Variants in NUS1 observed in about 807,000 individuals in gnomAD.
NUS1 encodes NUS1 dehydrodolichyl diphosphate synthase subunit.
For synonymous variants in NUS1, 135 were observed against 155.2 expected (o/e 0.87, Z 0.97); for missense variants, 292 against 382.9 (o/e 0.76, Z 1.98).
Position 117,675,684 on chromosome 6 carries a change from A to T in NUS1, c.14A>T (p.Tyr5Phe), listed in dbSNP as rs1288477521. ...GGCCACAAGAGTATGACGGGGCTGTACGAGCTGGTGTGGCGGGTGCTGCAC... is the reference window on the plus strand; with the variant it reads ...GGCCACAAGAGTATGACGGGGCTGTTCGAGCTGGTGTGGCGGGTGCTGCAC... MTGL[Y>F]ELVWRVLHAL... Residue 5 changes from tyrosine to phenylalanine, a missense_variant, in exon 1 of 5, where the codon TAC becomes TTC. By Grantham distance (22) the Tyr-to-Phe change is conservative (BLOSUM62 3). Coordinates refer to ENST00000368494, the MANE Select transcript of NUS1 (RefSeq NM_138459.5). The T allele has an allele frequency of 2.0e-6, 3 of 1,502,934 alleles. No homozygotes were observed. The Admixed American group carries it at 5.5e-5, about 28-fold the overall frequency. 93.1% of individuals were successfully genotyped at this position (1,502,934 alleles called of 1,614,324 possible).
intron 3 of NUS1, among the ~76,000 whole-genome samples, chr6:117,697,771 A>G (rs1424502807): frequency 6.6e-6 from 1 of 152,146 alleles, no homozygotes; most frequent in Non-Finnish European, 1.5e-5. Flanking sequence ...AAAATCAACA[A>G]GAAACATTGA....
At chr6:117,691,515 A>G (rs1773217014) in intron 1 of NUS1, among the ~76,000 whole-genome samples, 1 of 147,380 alleles carries the variant, frequency 6.8e-6, no homozygotes, top group Non-Finnish European at 1.5e-5. Context: ...CTGGCTTGGC[A>G]TTTGTATACA....
At chr6:117,702,536 T>A (rs1445894708) in intron 3 of NUS1, among the ~76,000 whole-genome samples, 1 of 152,194 alleles carries the variant, frequency 6.6e-6, no homozygotes, top group Non-Finnish European at 1.5e-5. Flanking sequence ...CTTGAATGGT[T>A]GGTTTTGTCC....
chr6:117,694,195 A>G lies in NUS1; in HGVS notation c.691+15A>G. On this transcript the variant is annotated intron_variant, in intron 3 of 4. Transcript: ENST00000368494. ...CAGTTTACTTAGTAAGTTTTTTTATATATATATACATATATATGTATATGT... is the reference window on the plus strand; with the variant it reads ...CAGTTTACTTAGTAAGTTTTTTTATGTATATATACATATATATGTATATGT... The G allele has an allele frequency of 7.5e-7, 1 of 1,337,498 alleles. No homozygotes were observed. The highest frequency in any genetic ancestry group is 1.0e-6 in the Non-Finnish European group (1 of 970,120). 82.9% of individuals were successfully genotyped at this position (1,337,498 alleles called of 1,614,324 possible).
At chr6:117,677,203 G>C (rs1410991020) in intron 1 of NUS1, among the ~76,000 whole-genome samples, 1 of 152,180 alleles carries the variant, frequency 6.6e-6, no homozygotes, top group African/African-American at 2.4e-5. Context: ...GGACTCTCAG[G>C]CTTGTTAGGA....
chr6:117,706,735 C>T (rs549288605), intron 4 of NUS1, among the ~76,000 whole-genome samples, 190 bp from the exon 5 acceptor site: 1 of 152,142 alleles, frequency 6.6e-6, no homozygotes, highest in Non-Finnish European at 1.5e-5. Flanking sequence ...CCAGTCAGTT[C>T]TGTCAGGGCC....
At chr6:117,686,620 TAATC>T (rs1773143670) in intron 1 of NUS1, among the ~76,000 whole-genome samples, 1 of 152,206 alleles carries the variant, frequency 6.6e-6, no homozygotes, top group South Asian at 2.1e-4. Flanking sequence ...TGTTTTCCCT[TAATC>T]AGTTATTTCT....
chr6:117,680,963 G>A (rs79236284), intron 1 of NUS1, among the ~76,000 whole-genome samples: 4,741 of 152,244 alleles, frequency 0.031, 72 homozygotes, highest in South Asian at 0.066. Flanking sequence ...TCTGCCCAGT[G>A]TATCCTATCT....
chr6:117,678,080 T>C (rs1276970429), intron 1 of NUS1, among the ~76,000 whole-genome samples: 1 of 152,238 alleles, frequency 6.6e-6, no homozygotes, highest in Non-Finnish European at 1.5e-5. Flanking sequence ...ATTGCTGATG[T>C]GATTCAGAAG....
intron 1 of NUS1, among the ~76,000 whole-genome samples, chr6:117,691,188 GATTA>G (rs1262461684): frequency 1.3e-5 from 2 of 151,806 alleles, no homozygotes; most frequent in African/African-American, 2.4e-5. Flanking sequence ...GCTGTTGCCA[GATTA>G]ATTCTTCTAA....
intron 3 of NUS1, 78 bp from the exon 4 acceptor site, chr6:117,703,527 A>G: frequency 9.3e-7 from 1 of 1,080,534 alleles, no homozygotes; most frequent in Non-Finnish European, 1.4e-6. Flanking sequence ...CATTTTGCCC[A>G]TGATCTGTGT....
intron 3 of NUS1, among the ~76,000 whole-genome samples, chr6:117,702,129 A>G (rs1261496571): frequency 2.6e-5 from 4 of 152,112 alleles, no homozygotes; most frequent in African/African-American, 7.2e-5. Flanking sequence ...CTGAGCCCTT[A>G]TTTCCTGGAT....
At chr6:117,689,707 G>A (rs565311862) in intron 1 of NUS1, among the ~76,000 whole-genome samples, 82 of 152,174 alleles carry the variant, frequency 5.4e-4, no homozygotes, top group Admixed American at 1.9e-3. Flanking sequence ...GACTAAGAGC[G>A]TGTGCCACCA....
At chr6:117,681,193 T>G (rs1773056793) in intron 1 of NUS1, among the ~76,000 whole-genome samples, 1 of 152,204 alleles carries the variant, frequency 6.6e-6, no homozygotes, top group South Asian at 2.1e-4. Flanking sequence ...TTACTATATC[T>G]CTGAATCTCC....
intron 1 of NUS1, among the ~76,000 whole-genome samples, chr6:117,686,077 C>T (rs1327483195): frequency 2.6e-5 from 4 of 151,516 alleles, no homozygotes; most frequent in South Asian, 2.1e-4. Context: ...CTGGCTAACA[C>T]GGTGAAACCC....
intron 3 of NUS1, among the ~76,000 whole-genome samples, chr6:117,698,747 TA>T (rs1352939334): frequency 6.6e-6 from 1 of 152,128 alleles, no homozygotes; most frequent in Non-Finnish European, 1.5e-5. Context: ...GTACCACTGA[TA>T]AATGTTCATG....
rs1053135308 is a variant in NUS1 at position 117,675,505 on chromosome 6, G to A, written c.-166G>A. The stretch of plus-strand genomic sequence containing the variant: ...GGCGGGGCTGCCAAGGGAGGAGGAA[G>A]ATGGCGGCGGGGGCGAGGTGAGGTG... On this transcript the variant is annotated 5_prime_UTR_variant, in exon 1 of 5. Transcript: ENST00000368494. 5 of 664,782 alleles carry A rather than the reference G, an allele frequency of 7.5e-6. No individual in the cohort carries two copies. The highest frequency in any genetic ancestry group is 3.7e-5 in the South Asian group (2 of 54,188). 41.2% of individuals were successfully genotyped at this position (664,782 alleles called of 1,614,324 possible).
At chr6:117,697,503 A>T (rs1026530073) in intron 3 of NUS1, among the ~76,000 whole-genome samples, 1 of 152,082 alleles carries the variant, frequency 6.6e-6, no homozygotes, top group Middle Eastern at 3.2e-3. Flanking sequence ...AGCAGGAGTT[A>T]CTATACTTAT....
chr6:117,705,468 T>C lies in NUS1; in HGVS notation c.792-1457T>C, dbSNP rs1283074145. On this transcript the variant is annotated intron_variant, in intron 4 of 4. Transcript: ENST00000368494. The stretch of plus-strand genomic sequence containing the variant: ...GGAGTTGAGAATTTAAATCTGATAA[T>C]GGACAAGATATGAAGCACGTAACAG... 2.0e-5 allele frequency among the ~76,000 whole-genome samples: 3 copies of C among 152,196 alleles called. No homozygotes were observed. The East Asian group carries it at 5.8e-4, about 29-fold the overall frequency.
Sources: allele counts gnomAD v4.1 joint callset (sites outside exome capture counted in the v4.1 genomes callset), GRCh38; gene constraint gnomAD v4.1.1; transcripts MANE v1.5; gene names NCBI Gene and HGNC (gene_info 2026-07-23, HGNC 2026-07-21).